CFAP91: variants seen among roughly 807,000 people sequenced by gnomAD.
CFAP91 encodes the protein cilia and flagella associated protein 91.
CFAP91 carries 85 observed loss-of-function variants against 95.9 expected under a neutral mutation model. The ratio of observed to expected loss-of-function variants is 0.89; its 90% CI spans 0.74 to 1.06. The LOEUF is 1.06. Ranked by LOEUF, CFAP91 falls within the 50% of genes least tolerant of loss-of-function variation. The pLI is 0.00. For synonymous variants in CFAP91, 335 were observed against 327.5 expected (o/e 1.02, Z -0.25); for missense variants, 962 against 943.4 (o/e 1.02, Z -0.26).
At position 119,726,179 on chromosome 3, in the gene CFAP91, C is replaced by T. The variant is rs1322572492; in HGVS notation, c.691C>T (p.Leu231Phe). The T allele has an allele frequency of 6.2e-7, 1 of 1,609,676 alleles. No individual in the cohort carries two copies. Among genetic ancestry groups the T allele is most frequent in the East Asian group, 2.2e-5 (1 of 44,808 alleles). The change falls in exon 7 of 18, where the codon CTC becomes TTC. Residue 231 changes from leucine to phenylalanine, a missense_variant. Transcript: ENST00000273390. ...TLATLTWGRG[L>F]PAGQAEVEMI... ...GCTGCTTTATCCTGCAGGTCGGGGT[C>T]TCCCAGCAGGACAAGCTGAGGTGGA...
chr3:119,709,493 A>G (rs2053435667), intron 4 of CFAP91, among the ~76,000 whole-genome samples: 2 of 152,236 alleles, frequency 1.3e-5, no homozygotes, highest in African/African-American at 4.8e-5. Context: ...GTTGTTGGGA[A>G]CTAATGGCCA....
intron 6 of CFAP91, among the ~76,000 whole-genome samples, chr3:119,718,908 T>TAA (rs2053628425): frequency 1.5e-5 from 2 of 132,856 alleles, no homozygotes; most frequent in Admixed American, 7.2e-5. Flanking sequence ...TAAGTATACA[T>TAA]CAAAAAAAAA....
At chr3:119,746,898 A>G (rs1304049687) in intron 14 of CFAP91, among the ~76,000 whole-genome samples, 1 of 152,208 alleles carries the variant, frequency 6.6e-6, no homozygotes, top group African/African-American at 2.4e-5. Flanking sequence ...ATAATTCTGA[A>G]ATGGGCTAAA....
In CFAP91 at chr3:119,733,364, G is replaced by C; in HGVS notation, c.1202G>C (p.Gly401Ala). 1.2e-6 allele frequency: 2 copies of C among 1,613,894 alleles called. No homozygotes were observed. The highest frequency in any genetic ancestry group is 8.5e-7 in the Non-Finnish European group (1 of 1,179,906). ...VKNYYLNTYEGLVELESCLPD... is the reference protein window; with the variant it reads ...VKNYYLNTYEALVELESCLPD... ...AAAAACATGTGCTTCCTTCCCATAG[G>C]ATTAGTGGAACTTGAGTCATGTCTC... Residue 401 changes from glycine to alanine, a missense_variant and splice_region_variant, in exon 10 of 18, where the codon GGA becomes GCA. By Grantham distance (60) the Gly-to-Ala change is moderately conservative. Coordinates refer to ENST00000273390, the MANE Select transcript of CFAP91 (RefSeq NM_033364.4).
chr3:119,736,893 A>G (rs554339899), intron 10 of CFAP91, among the ~76,000 whole-genome samples: 3 of 151,606 alleles, frequency 2.0e-5, no homozygotes, highest in Non-Finnish European at 4.4e-5. Flanking sequence ...CTGGAGTGCA[A>G]TGGTGCAATC....
chr3:119,710,303 A>AGGGC (rs2053450198), intron 5 of CFAP91: 1 of 163,268 alleles, frequency 6.1e-6, no homozygotes, highest in Non-Finnish European at 1.3e-5. Flanking sequence ...TCCAAGAAGC[A>AGGGC]AGGCAGTCCA....
Position 119,714,325 on chromosome 3 carries a change from T to C in CFAP91, c.501-1237T>C, listed in dbSNP as rs570584628. ...AGCTTGCAGTGAGCCGAGATCGCGCTACTGCACTCTAACCTGGGCGACAGA... is the reference window on the plus strand; with the variant it reads ...AGCTTGCAGTGAGCCGAGATCGCGCCACTGCACTCTAACCTGGGCGACAGA... On this transcript the variant is annotated intron_variant, in intron 5 of 17. Transcript: ENST00000273390. Among the ~76,000 whole-genome samples the C allele has an allele frequency of 9.8e-4, 139 of 141,772 alleles. 1 individual carries two copies. The South Asian group carries it at 0.029, about 29-fold the overall frequency. 93.0% of individuals were successfully genotyped at this position (141,772 alleles called of 152,430 possible).
chr3:119,730,347 A>T lies in CFAP91; in HGVS notation c.988A>T (p.Met330Leu), dbSNP rs891461461. 1 of 1,614,178 alleles carries T rather than the reference A, an allele frequency of 6.2e-7. No homozygotes were observed. The highest frequency in any genetic ancestry group is 1.7e-5 in the Admixed American group (1 of 60,014). ...SKLQEGKEAK[M>L]AKIQRTHVST... ...ACTGCAGGAGGGAAAAGAGGCAAAA[A>T]TGGCAAAAATTCAGCGCACGCATGT... Residue 330 changes from methionine to leucine, a missense_variant, in exon 8 of 18, where the codon ATG (methionine) becomes TTG (leucine). By Grantham distance (15) the Met-to-Leu change is conservative. Coordinates refer to ENST00000273390, the MANE Select transcript of CFAP91 (RefSeq NM_033364.4).
At chr3:119,713,794 T>C (rs192545556) in intron 5 of CFAP91, among the ~76,000 whole-genome samples, 3 of 152,156 alleles carry the variant, frequency 2.0e-5, no homozygotes, top group Non-Finnish European at 1.5e-5. Context: ...AATGGAATCC[T>C]ACTATACATA....
intron 10 of CFAP91, among the ~76,000 whole-genome samples, chr3:119,736,091 TA>T (rs2053997141): frequency 6.6e-6 from 1 of 151,944 alleles, no homozygotes; most frequent in Non-Finnish European, 1.5e-5. Context: ...AATCACCCTT[TA>T]AAAATATATA....
chr3:119,735,168 G>A (rs142691026), intron 10 of CFAP91, among the ~76,000 whole-genome samples: 1 of 152,070 alleles, frequency 6.6e-6, no homozygotes, highest in East Asian at 1.9e-4. Flanking sequence ...CTGAAGGCTT[G>A]CTTATTTTCT....
chr3:119,739,192 G>C (rs2054068766), intron 11 of CFAP91, 63 bp from the exon 12 acceptor site: 4 of 1,380,102 alleles, frequency 2.9e-6, no homozygotes, highest in Admixed American at 1.7e-5. Flanking sequence ...GTCTTCAAAA[G>C]AATATTTGAT....
chr3:119,719,296 T>C (rs751162049), intron 6 of CFAP91, among the ~76,000 whole-genome samples: 36 of 152,158 alleles, frequency 2.4e-4, no homozygotes, highest in Non-Finnish European at 4.4e-4. Context: ...GGACAGGTAG[T>C]GACTGGGAAG....
intron 17 of CFAP91, among the ~76,000 whole-genome samples, chr3:119,764,451 A>G (rs954670346): frequency 2.0e-5 from 3 of 152,130 alleles, no homozygotes; most frequent in Non-Finnish European, 2.9e-5. Flanking sequence ...GTAAGCAGCT[A>G]TGGGCTTTAT....
intron 6 of CFAP91, among the ~76,000 whole-genome samples, chr3:119,723,750 A>G (rs1300441282): frequency 6.6e-6 from 1 of 152,260 alleles, no homozygotes. Context: ...GCCATGTGCA[A>G]GTTACTTAGC....
At chr3:119,712,537 A>C (rs1300893349) in intron 5 of CFAP91, among the ~76,000 whole-genome samples, 2 of 152,362 alleles carry the variant, frequency 1.3e-5, no homozygotes, top group South Asian at 4.1e-4. Context: ...GAAGTTATTT[A>C]TTCAACTAGA....
At chr3:119,718,787 A>T (rs1410050237) in intron 6 of CFAP91, among the ~76,000 whole-genome samples, 3 of 152,204 alleles carry the variant, frequency 2.0e-5, no homozygotes, top group Non-Finnish European at 2.9e-5. Context: ...TGAAGGCGAG[A>T]TAAAGACATT....
At chr3:119,734,643 G>C (rs992272976) in intron 10 of CFAP91, among the ~76,000 whole-genome samples, 2 of 152,086 alleles carry the variant, frequency 1.3e-5, no homozygotes, top group Non-Finnish European at 2.9e-5. Flanking sequence ...AGAGCATACA[G>C]CTTATTTTCA....
intron 5 of CFAP91, among the ~76,000 whole-genome samples, chr3:119,712,888 G>T (rs1176045913): frequency 6.6e-6 from 1 of 150,388 alleles, no homozygotes. Flanking sequence ...CCGGGAGGTG[G>T]ATGTTGCAGT....
Sources: allele counts gnomAD v4.1 joint callset (sites outside exome capture counted in the v4.1 genomes callset), GRCh38; gene constraint gnomAD v4.1.1; transcripts MANE v1.5; gene names NCBI Gene and HGNC (gene_info 2026-07-23, HGNC 2026-07-21).